Variants in ADAM10 observed in about 807,000 individuals in gnomAD.
The protein encoded by ADAM10 is ADAM metallopeptidase domain 10.
ADAM10 carries 17 observed loss-of-function variants against 90.1 expected under a neutral mutation model. The ratio of observed to expected loss-of-function variants is 0.19; its 90% CI spans 0.13 to 0.28. The LOEUF is 0.28. ADAM10 is among the 10% of genes least tolerant of loss of function. ADAM10 has a pLI of 1.00. For synonymous variants in ADAM10, 310 were observed against 298.6 expected (o/e 1.04, Z -0.40); for missense variants, 610 against 914.3 (o/e 0.67, Z 4.29).
chr15:58,612,082 AT>A, intron 11 of ADAM10, 91 bp from the exon 12 acceptor site: 1 of 1,250,142 alleles, frequency 8.0e-7, no homozygotes, highest in Non-Finnish European at 1.1e-6. Context: ...ATTATTAGAC[AT>A]AGTACCAATT....
intron 2 of ADAM10, among the ~76,000 whole-genome samples, chr15:58,709,558 G>C (rs1450792451): frequency 6.6e-6 from 1 of 151,938 alleles, no homozygotes. Context: ...GGCCAACATA[G>C]TGAAACCCCC....
chr15:58,649,598 C>G (rs1896634113), intron 5 of ADAM10, among the ~76,000 whole-genome samples: 1 of 152,196 alleles, frequency 6.6e-6, no homozygotes, highest in South Asian at 2.1e-4. Context: ...GGCAGTTTCT[C>G]TGTTTCAGCA....
intron 2 of ADAM10, among the ~76,000 whole-genome samples, chr15:58,702,795 A>G (rs1359994592): frequency 6.6e-6 from 1 of 152,218 alleles, no homozygotes; most frequent in African/African-American, 2.4e-5. Context: ...ATCAAAATTA[A>G]CTTGTATCTA....
chr15:58,739,938 A>G (rs1303723967), intron 1 of ADAM10, among the ~76,000 whole-genome samples: 1 of 152,236 alleles, frequency 6.6e-6, no homozygotes, highest in Non-Finnish European at 1.5e-5. Flanking sequence ...TCCACTTCCT[A>G]AGCAATGTAT....
intron 1 of ADAM10, chr15:58,732,888 G>C (rs1899303294): frequency 6.5e-6 from 1 of 153,500 alleles, no homozygotes; most frequent in Non-Finnish European, 1.5e-5. Context: ...CTGGAAAAGA[G>C]ACTTCTAAGT....
At chr15:58,651,400 C>G (rs1896684584) in intron 5 of ADAM10, among the ~76,000 whole-genome samples, 1 of 152,084 alleles carries the variant, frequency 6.6e-6, no homozygotes, top group African/African-American at 2.4e-5. Context: ...CTTCCCCCAC[C>G]ACTGCTCTAA....
chr15:58,681,240 T>C (rs1255622276), intron 3 of ADAM10, among the ~76,000 whole-genome samples: 1 of 152,076 alleles, frequency 6.6e-6, no homozygotes, highest in African/African-American at 2.4e-5. Context: ...AAGAAGACAA[T>C]ATAACACTAA....
rs1265744669 is a variant in ADAM10 at position 58,708,300 on chromosome 15, G to A, written c.206+9277C>T. On this transcript the variant is annotated intron_variant, in intron 2 of 15. Transcript: ENST00000260408. ...CCGTCACATCAAACTATAATTCCTT[G>A]CTTAGGATATATAAGGGAGCCCCCA... Among the ~76,000 whole-genome samples, 3 of 152,058 alleles carry A rather than the reference G, an allele frequency of 2.0e-5. No homozygotes were observed. The East Asian group carries it at 5.8e-4, about 29-fold the overall frequency.
chr15:58,696,439 G>A (rs1897979772), intron 2 of ADAM10, among the ~76,000 whole-genome samples: 1 of 151,130 alleles, frequency 6.6e-6, no homozygotes, highest in African/African-American at 2.4e-5. Flanking sequence ...TTACAGCCTT[G>A]ATACTGATTT....
At chr15:58,737,535 C>A (rs1446364798) in intron 1 of ADAM10, among the ~76,000 whole-genome samples, 1 of 152,088 alleles carries the variant, frequency 6.6e-6, no homozygotes, top group Admixed American at 6.6e-5. Flanking sequence ...GATAAGTAAC[C>A]CTCCCTGATC....
At chr15:58,748,953 G>T (rs1410051041) in intron 1 of ADAM10, 2 of 398,696 alleles carry the variant, frequency 5.0e-6, no homozygotes, top group Non-Finnish European at 8.8e-6. Flanking sequence ...CACGAGCCCA[G>T]CTGCAAACAA....
chr15:58,646,297 C>A, intron 5 of ADAM10, 93 bp from the exon 6 acceptor site: 1 of 1,289,266 alleles, frequency 7.8e-7, no homozygotes, highest in African/African-American at 1.5e-5. Flanking sequence ...ATTTCATATT[C>A]TGCTTTATAT....
chr15:58,666,456 G>A (rs1897085103), intron 4 of ADAM10, among the ~76,000 whole-genome samples: 2 of 151,818 alleles, frequency 1.3e-5, no homozygotes, highest in South Asian at 4.2e-4. Flanking sequence ...AATTTCCAGA[G>A]TCTATTCTCA....
intron 2 of ADAM10, among the ~76,000 whole-genome samples, chr15:58,693,324 A>G (rs549977189): frequency 6.6e-6 from 1 of 152,314 alleles, no homozygotes; most frequent in Admixed American, 6.5e-5. Flanking sequence ...TCATTCTTCA[A>G]TTTACTGTAT....
intron 8 of ADAM10, among the ~76,000 whole-genome samples, chr15:58,635,518 C>G (rs1036183352): frequency 6.6e-6 from 1 of 151,850 alleles, no homozygotes; most frequent in Non-Finnish European, 1.5e-5. Context: ...AGAGAAAATA[C>G]CAAATAATTT....
chr15:58,621,355 A>G, intron 11 of ADAM10, 116 bp downstream of exon 11: 1 of 1,294,164 alleles, frequency 7.7e-7, no homozygotes, highest in Admixed American at 1.7e-5. Flanking sequence ...AACAAACAAC[A>G]GATAAAAGCA....
chr15:58,692,940 C>T, intron 2 of ADAM10: 1 of 717,490 alleles, frequency 1.4e-6, no homozygotes, highest in East Asian at 3.1e-5. Context: ...CTGTGTTGAC[C>T]AAAGTCAGGA....
chr15:58,629,907 C>A (rs1397781822), intron 9 of ADAM10, among the ~76,000 whole-genome samples: 1 of 152,052 alleles, frequency 6.6e-6, no homozygotes, highest in Admixed American at 6.6e-5. Context: ...GCTGGGACTA[C>A]AGGTGCAGTC....
intron 1 of ADAM10, among the ~76,000 whole-genome samples, chr15:58,746,886 A>C (rs1899808345): frequency 6.6e-6 from 1 of 152,222 alleles, no homozygotes; most frequent in South Asian, 2.1e-4. Context: ...TCTTTCATTA[A>C]ATTCTTATTT....
Sources: allele counts gnomAD v4.1 joint callset (sites outside exome capture counted in the v4.1 genomes callset), GRCh38; gene constraint gnomAD v4.1.1; transcripts MANE v1.5; gene names NCBI Gene and HGNC (gene_info 2026-07-23, HGNC 2026-07-21).